CALHM5: variants seen among roughly 807,000 people sequenced by gnomAD.
CALHM5 encodes calcium homeostasis modulator family member 5, also known as calcium homeostasis modulator protein 5.
A neutral mutation model predicts 20.9 loss-of-function variants in CALHM5; 17 were observed. That is an observed-to-expected ratio of 0.82 (90% CI 0.56 to 1.22). The LOEUF is 1.22. Ranked by LOEUF, CALHM5 falls within the 50% of genes most tolerant of loss-of-function variation. The pLI is 0.00. For missense variants in CALHM5, 360 were observed against 364.6 expected (o/e 0.99, Z 0.10); for synonymous variants, 148 against 140.0 (o/e 1.06, Z -0.40).
At chr6:116,513,846 A>G (rs1583270205) in intron 1 of CALHM5, among the ~76,000 whole-genome samples, 2 of 152,312 alleles carry the variant, frequency 1.3e-5, no homozygotes, top group East Asian at 3.9e-4. Context: ...GAAAGAGCTC[A>G]GTCTTGGAAT....
At chr6:116,514,382 G>A (rs545381164) in intron 1 of CALHM5, among the ~76,000 whole-genome samples, 1 of 152,302 alleles carries the variant, frequency 6.6e-6, no homozygotes, top group East Asian at 1.9e-4. Context: ...TCACTTGATG[G>A]TAGTTGTGCC....
chr6:116,515,717 C>A lies in CALHM5; in HGVS notation c.658C>A (p.Gln220Lys), dbSNP rs766424445. The A allele has an allele frequency of 6.2e-7, 1 of 1,613,968 alleles. No individual in the cohort carries two copies. Among genetic ancestry groups the A allele is most frequent in the Non-Finnish European group, 8.5e-7 (1 of 1,179,916 alleles). ...LQLSFWKTYAQKEKEQLENTF... is the reference protein window; with the variant it reads ...LQLSFWKTYAKKEKEQLENTF... ...GCTGAGTTTTTGGAAGACATATGCA[C>A]AAAAGGAGAAGGAGCAGTTGGAAAA... Residue 220 changes from glutamine (Q) to lysine (K), a missense_variant, in exon 2 of 2, where the codon CAA (glutamine) becomes AAA (lysine). By Grantham distance (53) the Gln-to-Lys change is moderately conservative. Coordinates refer to ENST00000368599, the MANE Select transcript of CALHM5 (RefSeq NM_153711.5).
At position 116,512,228 on chromosome 6, in the gene CALHM5, C is replaced by T. The variant is rs1402918174; in HGVS notation, c.532C>T (p.Gln178Ter). The T allele has an allele frequency of 6.3e-7, 1 of 1,595,674 alleles. No individual in the cohort carries two copies. The highest frequency in any genetic ancestry group is 1.1e-5 in the South Asian group (1 of 90,836). The change falls in exon 1 of 2, where the codon CAG becomes TAG. Residue 178 changes from glutamine to a stop codon, truncating the protein, a stop_gained. Coordinates refer to ENST00000368599, the MANE Select transcript of CALHM5 (RefSeq NM_153711.5). LOFTEE classifies it high-confidence loss of function. ...NEELKLSLQAQSQILGWCLIC... is the reference protein window; with the variant it reads ...NEELKLSLQA The stretch of plus-strand genomic sequence containing the variant: ...AGAACTGAAACTCTCCCTTCAGGCC[C>T]AGTCTCAGGTAAGAAAAGACAAACT...
rs1250000467 is a variant in CALHM5, at chr6:116,515,707, G to T, written c.648G>T (p.Lys216Asn). 8.1e-6 allele frequency: 13 copies of T among 1,613,944 alleles called. No individual in the cohort carries two copies. The highest frequency in any genetic ancestry group is 9.3e-6 in the Non-Finnish European group (11 of 1,179,914). The change falls in exon 2 of 2, where the codon AAG (lysine) becomes AAT (asparagine). Residue 216 changes from lysine to asparagine, a missense_variant. Lys to Asn is a moderately conservative substitution (Grantham distance 94). Coordinates refer to ENST00000368599, the MANE Select transcript of CALHM5 (RefSeq NM_153711.5). ...GCTACCTTCAGCTGAGTTTTTGGAA[G>T]ACATATGCACAAAAGGAGAAGGAGC... ...KVSYLQLSFWKTYAQKEKEQL... is the reference protein window; with the variant it reads ...KVSYLQLSFWNTYAQKEKEQL...
chr6:116,524,010 G>C lies in CALHM5; in HGVS notation c.*8021G>C, dbSNP rs1011446963. 4 of 152,168 alleles carry C rather than the reference G, an allele frequency of 2.6e-5. No individual in the cohort carries two copies. The highest frequency in any genetic ancestry group is 9.7e-5 in the African/African-American group (4 of 41,428). 9.4% of individuals were successfully genotyped at this position (152,168 alleles called of 1,614,324 possible). On this transcript the variant is annotated 3_prime_UTR_variant, in exon 2 of 2. Transcript: ENST00000368599. ...ATCTTTGAGATATTTAGGAAAATAT[G>C]AATGAATATTAGATGATTTTTAGAG... is the stretch of plus-strand genomic sequence containing the variant.
chr6:116,515,407 C>A (rs1167199968), intron 1 of CALHM5, among the ~76,000 whole-genome samples, 193 bp from the exon 2 acceptor site: 2 of 151,974 alleles, frequency 1.3e-5, no homozygotes, highest in African/African-American at 4.8e-5. Context: ...TTAGGTAAAC[C>A]CTAACTTTAT....
At position 116,512,169 on chromosome 6, in the gene CALHM5, G is replaced by A. The variant is rs747432345; in HGVS notation, c.473G>A (p.Cys158Tyr). The A allele has an allele frequency of 1.4e-5, 23 of 1,612,260 alleles. No individual in the cohort carries two copies. In the South Asian group the frequency reaches 2.3e-4, roughly 16 times the overall value. ...TGGGAAGAACTTCACAAAGTATCTT[G>A]TGGCAAAACTAGCATGCTACCTACC... is the stretch of plus-strand genomic sequence containing the variant. Reference protein sequence around the residue: ...ECWEELHKVSCGKTSMLPTVN... With the variant: ...ECWEELHKVSYGKTSMLPTVN... The change falls in exon 1 of 2, where the codon TGT (cysteine) becomes TAT (tyrosine). Residue 158 changes from cysteine to tyrosine, a missense_variant. Coordinates refer to ENST00000368599, the MANE Select transcript of CALHM5 (RefSeq NM_153711.5).
Position 116,511,789 on chromosome 6 carries a change from G to A in CALHM5, c.93G>A (p.Glu31=). Residue 31 remains glutamate (E), a synonymous_variant, in exon 1 of 2, where the codon GAG becomes GAA. Coordinates refer to ENST00000368599, the MANE Select transcript of CALHM5 (RefSeq NM_153711.5). ...SFMALLTVGS[E]RLFSVVAFKC... is the part of the protein sequence containing the mutation. ...TGGCTCTGCTGACCGTGGGAAGTGA[G>A]CGTCTCTTTTCTGTTGTGGCTTTTA... 6.2e-7 allele frequency: 1 copy of A among 1,614,112 alleles called. No individual in the cohort carries two copies. Among genetic ancestry groups the A allele is most frequent in the Non-Finnish European group, 8.5e-7 (1 of 1,180,012 alleles).
At position 116,516,230 on chromosome 6, in the gene CALHM5, A is replaced by C; in HGVS notation, c.*241A>C. On this transcript the variant is annotated 3_prime_UTR_variant, in exon 2 of 2. Coordinates refer to ENST00000368599, the MANE Select transcript of CALHM5 (RefSeq NM_153711.5). ...GTGGAGAGGGGCTCAGTAGGCCTAAATGTTGCTCCAAGATCTAAGATTTTA... is the reference window on the plus strand; with the variant it reads ...GTGGAGAGGGGCTCAGTAGGCCTAACTGTTGCTCCAAGATCTAAGATTTTA... 2.6e-6 allele frequency: 1 copy of C among 387,876 alleles called. No homozygotes were observed. The highest frequency in any genetic ancestry group is 4.5e-6 in the Non-Finnish European group (1 of 220,092). The allele number at this position is 387,876 out of a possible 1,614,324, so 24.0% of individuals were successfully genotyped here. A position where few individuals can be genotyped will look rare whatever the true frequency, so the allele number is the denominator to read the frequency against.
intron 1 of CALHM5, among the ~76,000 whole-genome samples, chr6:116,515,324 T>C (rs1772201549): frequency 6.6e-6 from 1 of 152,186 alleles, no homozygotes; most frequent in Non-Finnish European, 1.5e-5. Context: ...TAATCTATAC[T>C]TTGTACTCTT....
rs1192019655 is a variant in CALHM5, at chr6:116,519,679, C to T, written c.*3690C>T. 2 of 152,162 alleles carry T rather than the reference C, an allele frequency of 1.3e-5. No individual in the cohort carries two copies. Among genetic ancestry groups the T allele is most frequent in the Non-Finnish European group, 2.9e-5 (2 of 68,030 alleles). The allele number at this position is 152,162 out of a possible 1,614,324, so 9.4% of individuals were successfully genotyped here. On this transcript the variant is annotated 3_prime_UTR_variant, in exon 2 of 2. Transcript: ENST00000368599. Reference sequence around the variant, plus strand: ...CCTGAAGATCTGGTCTTCTCCCTACCACCACTACCCTATTACATAAGAGAA... The same window carrying T: ...CCTGAAGATCTGGTCTTCTCCCTACTACCACTACCCTATTACATAAGAGAA...
chr6:116,513,324 T>C (rs1044864175), intron 1 of CALHM5, among the ~76,000 whole-genome samples: 1 of 152,230 alleles, frequency 6.6e-6, no homozygotes, highest in African/African-American at 2.4e-5. Context: ...AAATCTTTTC[T>C]TTAATGCATA....
At position 116,521,522 on chromosome 6, in the gene CALHM5, G is replaced by A. The variant is rs1431901793; in HGVS notation, c.*5533G>A. 6.6e-6 allele frequency: 1 copy of A among 151,984 alleles called. No individual in the cohort carries two copies. The highest frequency in any genetic ancestry group is 1.9e-4 in the East Asian group (1 of 5,192). The allele number at this position is 151,984 out of a possible 1,614,324, so 9.4% of individuals were successfully genotyped here. A position where few individuals can be genotyped will look rare whatever the true frequency, so the allele number is the denominator to read the frequency against. On this transcript the variant is annotated 3_prime_UTR_variant, in exon 2 of 2. Coordinates refer to ENST00000368599, the MANE Select transcript of CALHM5 (RefSeq NM_153711.5). Reference sequence around the variant, plus strand: ...CAACTCGAGTGGAGAGAGAGGGAGAGAGAGAGAGACAGAGAGCAAATTTGC... The same window carrying A: ...CAACTCGAGTGGAGAGAGAGGGAGAAAGAGAGAGACAGAGAGCAAATTTGC...
At position 116,521,183 on chromosome 6, in the gene CALHM5, C is replaced by A; in HGVS notation, c.*5194C>A. 6.6e-6 allele frequency: 1 copy of A among 151,418 alleles called. No homozygotes were observed. Among genetic ancestry groups the A allele is most frequent in the East Asian group, 1.9e-4 (1 of 5,166 alleles). 9.4% of individuals were successfully genotyped at this position (151,418 alleles called of 1,614,324 possible). A position where few individuals can be genotyped will look rare whatever the true frequency, so the allele number is the denominator to read the frequency against. ...ATATATTATATATAACAAAACATGACAAATATATAACAAAATATATGTGCT... is the reference window on the plus strand; with the variant it reads ...ATATATTATATATAACAAAACATGAAAAATATATAACAAAATATATGTGCT... On this transcript the variant is annotated 3_prime_UTR_variant, in exon 2 of 2. Transcript: ENST00000368599.
chr6:116,515,686 C>T lies in CALHM5; in HGVS notation c.627C>T (p.Tyr209=). 1.9e-6 allele frequency: 3 copies of T among 1,613,924 alleles called. No individual in the cohort carries two copies. Among genetic ancestry groups the T allele is most frequent in the Non-Finnish European group, 2.5e-6 (3 of 1,179,900 alleles). The change falls in exon 2 of 2, where the codon TAC becomes TAT. Residue 209 remains tyrosine (Y), a synonymous_variant. Coordinates refer to ENST00000368599, the MANE Select transcript of CALHM5 (RefSeq NM_153711.5). ...CYARCRSKVS[Y]LQLSFWKTYA... ...CTCGCTGCCGATCTAAAGTTAGCTA[C>T]CTTCAGCTGAGTTTTTGGAAGACAT...
chr6:116,516,120 A>G lies in CALHM5; in HGVS notation c.*131A>G. On this transcript the variant is annotated 3_prime_UTR_variant, in exon 2 of 2. Coordinates refer to ENST00000368599, the MANE Select transcript of CALHM5 (RefSeq NM_153711.5). ...AGTATGTTTACAAGACAATAACACA[A>G]AGGAAACTGCTTTGAAGCTCTCAAG... 8.0e-7 allele frequency: 1 copy of G among 1,245,514 alleles called. No individual in the cohort carries two copies. The highest frequency in any genetic ancestry group is 1.1e-6 in the Non-Finnish European group (1 of 931,332). 77.2% of individuals were successfully genotyped at this position (1,245,514 alleles called of 1,614,324 possible). A position where few individuals can be genotyped will look rare whatever the true frequency, so the allele number is the denominator to read the frequency against.
rs1365741929 is a variant in CALHM5, at chr6:116,523,339, C to T, written c.*7350C>T. 6.6e-6 allele frequency: 1 copy of T among 152,094 alleles called. No individual in the cohort carries two copies. The highest frequency in any genetic ancestry group is 1.5e-5 in the Non-Finnish European group (1 of 67,998). The allele number at this position is 152,094 out of a possible 1,614,324, so 9.4% of individuals were successfully genotyped here. A position where few individuals can be genotyped will look rare whatever the true frequency, so the allele number is the denominator to read the frequency against. ...ATAAGTTTTACATGTTTCTTGTAAACTCTATTTGTAGGTGTTTTCTTTGTT... is the reference window on the plus strand; with the variant it reads ...ATAAGTTTTACATGTTTCTTGTAAATTCTATTTGTAGGTGTTTTCTTTGTT... On this transcript the variant is annotated 3_prime_UTR_variant, in exon 2 of 2. Coordinates refer to ENST00000368599, the MANE Select transcript of CALHM5 (RefSeq NM_153711.5).
chr6:116,515,711 T>C lies in CALHM5; in HGVS notation c.652T>C (p.Tyr218His). The change falls in exon 2 of 2, where the codon TAT becomes CAT. Residue 218 changes from tyrosine (Y) to histidine (H), a missense_variant. By Grantham distance (83) the Tyr-to-His change is moderately conservative (BLOSUM62 2). Coordinates refer to ENST00000368599, the MANE Select transcript of CALHM5 (RefSeq NM_153711.5). The part of the protein sequence containing the change: ...SYLQLSFWKT[Y>H]AQKEKEQLEN... ...CCTTCAGCTGAGTTTTTGGAAGACA[T>C]ATGCACAAAAGGAGAAGGAGCAGTT... The C allele has an allele frequency of 6.2e-7, 1 of 1,614,004 alleles. No individual in the cohort carries two copies. The highest frequency in any genetic ancestry group is 1.1e-5 in the South Asian group (1 of 91,078).
rs1396937095 is a variant in CALHM5, at chr6:116,523,101, A to C, written c.*7112A>C. The C allele has an allele frequency of 8.6e-5, 13 of 151,962 alleles. No individual in the cohort carries two copies. The highest frequency in any genetic ancestry group is 8.5e-4 in the Admixed American group (13 of 15,254). The allele number at this position is 151,962 out of a possible 1,614,324, so 9.4% of individuals were successfully genotyped here. ...CTGATGCTGCTGGTCTAGGGACTAC[A>C]TCTTGAAAATAACTGCTCTACAGCA... On this transcript the variant is annotated 3_prime_UTR_variant, in exon 2 of 2. Transcript: ENST00000368599.
Sources: gnomAD v4.1 joint callset for allele counts (sites outside exome capture counted in the v4.1 genomes callset) on GRCh38, gnomAD v4.1.1 for gene constraint, MANE v1.5 for transcripts, NCBI Gene and HGNC (gene_info 2026-07-23, HGNC 2026-07-21) for gene names.